PCNX2: variants seen among roughly 807,000 people sequenced by gnomAD.
The protein encoded by PCNX2 is pecanex-like protein 2.
PCNX2 carries 168 observed loss-of-function variants against 223.8 expected under a neutral mutation model. That is an observed-to-expected ratio of 0.75 (90% confidence interval 0.66 to 0.85). The LOEUF is 0.85. Among genes scored for constraint, PCNX2 ranks in the 40% least tolerant of loss-of-function variants. PCNX2 has a pLI of 0.00. For missense variants in PCNX2, 2,507 were observed against 2,675.5 expected, an observed-to-expected ratio of 0.94 and a Z score of 1.39; for synonymous variants, 1,006 against 1,052.6, an observed-to-expected ratio of 0.96 and a Z score of 0.86.
chr1:233,062,337 TTC>T (rs1389655407), intron 23 of PCNX2, among the ~76,000 whole-genome samples: 1 of 152,246 alleles, frequency 6.6e-6, no homozygotes, highest in Non-Finnish European at 1.5e-5. Context: ...TATTTATTTC[TTC>T]TATATGCTTA....
the PCNX2 span, among the ~76,000 whole-genome samples, chr1:233,301,812 T>TTTC: frequency 1.3e-5 from 2 of 151,010 alleles, no homozygotes; most frequent in Admixed American, 6.6e-5. Flanking sequence ...TTTTTTTTTT[T>TTTC]CCAGAGTCTT....
chr1:233,053,694 C>T (rs1672087356), intron 25 of PCNX2, among the ~76,000 whole-genome samples: 1 of 152,188 alleles, frequency 6.6e-6, no homozygotes, highest in Non-Finnish European at 1.5e-5. Context: ...CGCATAACTC[C>T]AGCTCCTCAT....
At chr1:233,123,146 T>G (rs1192782909) in intron 21 of PCNX2, among the ~76,000 whole-genome samples, 1 of 152,184 alleles carries the variant, frequency 6.6e-6, no homozygotes, top group Admixed American at 6.5e-5. Flanking sequence ...AACACACTAT[T>G]TGGGCTCATT....
chr1:233,286,893 C>G (rs1033262970), intron 1 of PCNX2, among the ~76,000 whole-genome samples: 2 of 152,194 alleles, frequency 1.3e-5, no homozygotes, highest in South Asian at 2.1e-4. Flanking sequence ...CATGTCCCTT[C>G]CTACCTGGAA....
chr1:232,987,744 C>T (rs1669544309), intron 32 of PCNX2, among the ~76,000 whole-genome samples: 1 of 152,188 alleles, frequency 6.6e-6, no homozygotes, highest in Non-Finnish European at 1.5e-5. Flanking sequence ...AAGGGGATTC[C>T]AGGGTTCCTT....
At chr1:233,057,515 T>C in intron 23 of PCNX2, 1 of 497,542 alleles carries the variant, frequency 2.0e-6, no homozygotes, top group Non-Finnish European at 3.6e-6. Context: ...AGTAGCTCTC[T>C]GATTTGGAGA....
chr1:233,025,265 T>G lies in PCNX2; in HGVS notation c.4486A>C (p.Thr1496Pro). The change falls in exon 26 of 34, where the codon ACC becomes CCC. Residue 1496 changes from threonine (T) to proline (P), a missense_variant. Thr to Pro is a conservative substitution (Grantham distance 38, BLOSUM62 -1). Transcript: ENST00000258229. ...TACTGGGTCTGCGTGATTTCCCAGG[T>G]GAGCCAGCGGAGGTGAAAGGCAGCG... ...CNAAFHLRWL[T>P]WEITQTQYIL... is the part of the protein sequence containing the mutation. The G allele has an allele frequency of 6.2e-7, 1 of 1,614,022 alleles. No individual in the cohort carries two copies. The highest frequency in any genetic ancestry group is 8.5e-7 in the Non-Finnish European group (1 of 1,179,900).
At chr1:233,007,929 T>G (rs1213558245) in intron 28 of PCNX2, among the ~76,000 whole-genome samples, 1 of 152,148 alleles carries the variant, frequency 6.6e-6, no homozygotes, top group East Asian at 1.9e-4. Flanking sequence ...TCCACCCACC[T>G]CAGCCTCCCA....
At chr1:233,088,197 C>T (rs538464542) in intron 23 of PCNX2, among the ~76,000 whole-genome samples, 7 of 152,272 alleles carry the variant, frequency 4.6e-5, no homozygotes, top group African/African-American at 1.4e-4. Flanking sequence ...ATTCCCCTTT[C>T]CACTGCGGAC....
chr1:233,197,309 T>C (rs965123235), intron 15 of PCNX2, among the ~76,000 whole-genome samples: 32 of 152,200 alleles, frequency 2.1e-4, no homozygotes, highest in Admixed American at 1.4e-3. Flanking sequence ...AACAGAGCAA[T>C]ATACTAAGGT....
intron 25 of PCNX2, among the ~76,000 whole-genome samples, chr1:233,044,438 T>A (rs1040637571): frequency 2.0e-5 from 3 of 152,188 alleles, no homozygotes; most frequent in Non-Finnish European, 4.4e-5. Context: ...CAATTTTGGC[T>A]TTTGTTGTAA....
chr1:232,988,661 ATCTGAACAATCGT>A (rs1425777725), intron 32 of PCNX2, among the ~76,000 whole-genome samples: 1 of 152,158 alleles, frequency 6.6e-6, no homozygotes, highest in Non-Finnish European at 1.5e-5. Context: ...CTTTGATGTT[ATCTGAACAATCGT>A]GGTGTAGCTC....
At chr1:233,234,951 G>C (rs1658297897) in intron 9 of PCNX2, among the ~76,000 whole-genome samples, 1 of 151,964 alleles carries the variant, frequency 6.6e-6, no homozygotes, top group South Asian at 2.1e-4. Flanking sequence ...AGTGTGTGCA[G>C]AACACAGCTA....
intron 1 of PCNX2, among the ~76,000 whole-genome samples, chr1:233,284,839 G>A (rs76728406): frequency 0.01 from 1,523 of 152,116 alleles, 13 homozygotes; most frequent in South Asian, 0.025. Context: ...TTCCAAGCAG[G>A]AGCCTCCAGA....
chr1:233,186,769 C>T (rs1680119647), intron 15 of PCNX2, among the ~76,000 whole-genome samples: 2 of 152,148 alleles, frequency 1.3e-5, no homozygotes, highest in South Asian at 4.1e-4. Flanking sequence ...TGAATCAAGA[C>T]AGTATTTCAC....
rs776652889 is a variant in PCNX2, at chr1:232,999,268, G to A, written c.5440C>T (p.Arg1814Trp). 1.7e-5 allele frequency: 27 copies of A among 1,612,736 alleles called. No homozygotes were observed. The highest frequency in any genetic ancestry group is 3.3e-5 in the South Asian group (3 of 90,844). Residue 1814 changes from arginine (R) to tryptophan (W), a missense_variant, in exon 31 of 34, where the codon CGG (arginine) becomes TGG (tryptophan). Around this residue, in one of 3 missense-constraint regions of PCNX2, gnomAD observed 1,372 missense variants for 1,509.4 expected, o/e 0.91. Coordinates refer to ENST00000258229, the MANE Select transcript of PCNX2 (RefSeq NM_014801.4). ...GSIQNNKQVLRNLINSSCDQP... is the reference protein window; with the variant it reads ...GSIQNNKQVLWNLINSSCDQP... ...TCGCAGGAGGAGTTAATCAAGTTCC[G>A]CAGGACCTGCTTATTGTTCTGGATA...
rs118066478 is a variant in PCNX2, at chr1:233,242,993, G to A, written c.2223-6013C>T. ...TGGTTTCTGGGGAAAGCAGAACTGTGTTAGGTAATGTTACCAAAGATACCT... is the reference window on the plus strand; with the variant it reads ...TGGTTTCTGGGGAAAGCAGAACTGTATTAGGTAATGTTACCAAAGATACCT... On this transcript the variant is annotated intron_variant, in intron 8 of 33. Coordinates refer to ENST00000258229, the MANE Select transcript of PCNX2 (RefSeq NM_014801.4). Among the ~76,000 whole-genome samples the A allele has an allele frequency of 8.3e-4, 126 of 152,304 alleles. 1 individual carries two copies. In the East Asian group the frequency reaches 0.02, roughly 24 times the overall value.
chr1:233,212,717 A>G (rs533174010), intron 12 of PCNX2, among the ~76,000 whole-genome samples: 34 of 152,356 alleles, frequency 2.2e-4, no homozygotes, highest in Admixed American at 2.0e-3. Context: ...CCTTTAATCA[A>G]TGGTAGAAAT....
chr1:233,185,845 A>G (rs1176067216), intron 15 of PCNX2, among the ~76,000 whole-genome samples: 1 of 152,192 alleles, frequency 6.6e-6, no homozygotes, highest in African/African-American at 2.4e-5. Context: ...ATGGGCCTCA[A>G]AATTGGGAAT....
Sources: allele counts gnomAD v4.1 joint callset (sites outside exome capture counted in the v4.1 genomes callset), GRCh38; gene constraint gnomAD v4.1.1; regional missense constraint gnomAD v4.1.1; transcripts MANE v1.5; gene names NCBI Gene and HGNC (gene_info 2026-07-23, HGNC 2026-07-21).